Variants in EYS observed in about 807,000 individuals in gnomAD.
The protein encoded by EYS is protein eyes shut homolog.
Under a neutral mutation model 282.1 loss-of-function variants are expected in EYS, and 250 were observed. That is an observed-to-expected ratio of 0.89 (90% CI 0.80 to 0.98). EYS has a LOEUF of 0.98. Among genes scored for constraint, EYS ranks in the 50% least tolerant of loss-of-function variants. EYS has a pLI of 0.00. For synonymous variants in EYS, 1,355 were observed against 1,282.9 expected (o/e 1.06, Z -1.20); for missense variants, 4,016 against 3,709.0 (o/e 1.08, Z -2.15).
chr6:64,212,897 G>A (rs956590108), intron 31 of EYS, among the ~76,000 whole-genome samples: 2 of 152,038 alleles, frequency 1.3e-5, no homozygotes, highest in Non-Finnish European at 2.9e-5. Context: ...AAGAAAATTT[G>A]GTACCTAGAC....
At chr6:65,131,540 A>G (rs1267660678) in intron 12 of EYS, among the ~76,000 whole-genome samples, 2 of 152,024 alleles carry the variant, frequency 1.3e-5, no homozygotes, top group Non-Finnish European at 2.9e-5. Flanking sequence ...TAATGAGAAC[A>G]AAGATACAAC....
chr6:63,927,283 G>T (rs1208573655), intron 35 of EYS, among the ~76,000 whole-genome samples: 2 of 152,162 alleles, frequency 1.3e-5, no homozygotes, highest in African/African-American at 2.4e-5. Context: ...CTTAATAAAA[G>T]ACAAAAATGA....
At chr6:64,194,544 A>G (rs558480992) in intron 31 of EYS, among the ~76,000 whole-genome samples, 14 of 152,156 alleles carry the variant, frequency 9.2e-5, no homozygotes, top group African/African-American at 3.4e-4. Context: ...GAATTTCTTA[A>G]TTGCATCAAT....
intron 15 of EYS, among the ~76,000 whole-genome samples, chr6:64,936,096 GA>G (rs1345901540): frequency 2.0e-5 from 3 of 151,538 alleles, no homozygotes; most frequent in Non-Finnish European, 4.4e-5. Flanking sequence ...TATACATTAT[GA>G]CCAATTGGGA....
At chr6:63,989,098 T>C (rs1391850023) in intron 34 of EYS, among the ~76,000 whole-genome samples, 1 of 151,654 alleles carries the variant, frequency 6.6e-6, no homozygotes, top group African/African-American at 2.4e-5. Context: ...TTAAATGACT[T>C]GTGTTACTAA....
chr6:65,615,593 T>C (rs1337610982), intron 2 of EYS, among the ~76,000 whole-genome samples: 1 of 151,366 alleles, frequency 6.6e-6, no homozygotes, highest in Non-Finnish European at 1.5e-5. Context: ...AAGTATGTTT[T>C]CCCCCAGGGC....
chr6:64,494,322 T>C (rs1326055583), intron 26 of EYS, among the ~76,000 whole-genome samples: 3 of 151,672 alleles, frequency 2.0e-5, no homozygotes, highest in Middle Eastern at 3.2e-3. Flanking sequence ...TTACTTTCTA[T>C]AGAATAAAGT....
In EYS at chr6:64,306,975, A is replaced by G. The variant is rs1446982295; in HGVS notation, c.6186T>C (p.Asn2062=). ...SKAVKNYHIN[N]CRSQGFMLSP... ...AATCACTACTGCTATTTTACCTGCA[A>G]TTGTTAATGTGATAGTTTTTCACTG... Residue 2062 remains asparagine (N), a synonymous_variant, in exon 30 of 43, where the codon AAT becomes AAC. Coordinates refer to ENST00000503581, the MANE Select transcript of EYS (RefSeq NM_001142800.2). 8.2e-6 allele frequency: 12 copies of G among 1,457,676 alleles called. No individual in the cohort carries two copies. The highest frequency in any genetic ancestry group is 1.9e-4 in the Middle Eastern group (1 of 5,368). The allele number at this position is 1,457,676 out of a possible 1,614,324, so 90.3% of individuals were successfully genotyped here. A position where few individuals can be genotyped will look rare whatever the true frequency, so the allele number is the denominator to read the frequency against.
chr6:65,123,463 G>A (rs1561977971), intron 12 of EYS, among the ~76,000 whole-genome samples: 1 of 151,930 alleles, frequency 6.6e-6, no homozygotes, highest in Non-Finnish European at 1.5e-5. Flanking sequence ...GAATATATAA[G>A]GACACTTCCC....
chr6:65,120,460 C>CAAAAAAAAAAAAAA (rs67505285), intron 12 of EYS, among the ~76,000 whole-genome samples: 28 of 68,260 alleles, frequency 4.1e-4, no homozygotes, highest in Admixed American at 9.1e-4. Flanking sequence ...TTTAAATAAG[C>CAAAAAAAAAAAAAA]AAAAAAAAAA....
intron 19 of EYS, among the ~76,000 whole-genome samples, chr6:64,825,308 AAGTAATCTCCTTGT>A (rs1765017567): frequency 6.6e-6 from 1 of 151,946 alleles, no homozygotes; most frequent in Admixed American, 6.6e-5. Flanking sequence ...CTCCTGTAAC[AAGTAATCTCCTTGT>A]AGCATTCCAT....
intron 15 of EYS, among the ~76,000 whole-genome samples, chr6:64,942,740 TA>T (rs1769131179): frequency 7.3e-6 from 1 of 137,064 alleles, no homozygotes; most frequent in Admixed American, 7.7e-5. Flanking sequence ...ACCTACCAAC[TA>T]AATAAAGCCC....
At chr6:63,736,972 T>C (rs1040669339) in intron 41 of EYS, among the ~76,000 whole-genome samples, 1 of 152,176 alleles carries the variant, frequency 6.6e-6, no homozygotes, top group Non-Finnish European at 1.5e-5. Context: ...GCTTATCAGC[T>C]TAAGGAGATT....
At chr6:64,499,364 G>A (rs144205063) in intron 26 of EYS, among the ~76,000 whole-genome samples, 308 of 152,190 alleles carry the variant, frequency 2.0e-3, no homozygotes, top group African/African-American at 6.8e-3. Context: ...AAATTCCCCT[G>A]GCTAACTAGA....
intron 14 of EYS, among the ~76,000 whole-genome samples, chr6:64,978,486 A>T (rs958987271): frequency 6.6e-6 from 1 of 151,940 alleles, no homozygotes; most frequent in Non-Finnish European, 1.5e-5. Flanking sequence ...ATGTACAAGG[A>T]GATTAATATT....
At chr6:65,109,831 C>A (rs114380709) in intron 12 of EYS, among the ~76,000 whole-genome samples, 72 of 152,132 alleles carry the variant, frequency 4.7e-4, no homozygotes, top group African/African-American at 1.7e-3. Flanking sequence ...TTCTATTCAC[C>A]CTCTCGTACC....
rs551178640 is a variant in EYS at position 64,811,189 on chromosome 6, G to A, written c.3443+2189C>T. Reference sequence around the variant, plus strand: ...GGCACCAGCTCTGACTTCTCATAGTGTAGCGTGGAGTCCCAGTAGAAACTG... The same window carrying A: ...GGCACCAGCTCTGACTTCTCATAGTATAGCGTGGAGTCCCAGTAGAAACTG... On this transcript the variant is annotated intron_variant, in intron 22 of 42. Transcript: ENST00000503581. Among the ~76,000 whole-genome samples the A allele has an allele frequency of 3.0e-4, 45 of 152,166 alleles. No homozygotes were observed. The South Asian group carries it at 9.3e-3, about 32-fold the overall frequency.
chr6:65,542,883 A>C (rs1261287068), intron 2 of EYS, among the ~76,000 whole-genome samples: 2 of 152,162 alleles, frequency 1.3e-5, no homozygotes, highest in Non-Finnish European at 2.9e-5. Context: ...CTGCACTGTT[A>C]CTTTGATAAC....
intron 36 of EYS, among the ~76,000 whole-genome samples, chr6:63,855,152 T>G (rs1328031302): frequency 1.3e-5 from 2 of 152,212 alleles, no homozygotes; most frequent in Non-Finnish European, 2.9e-5. Context: ...GAAAGGGCAA[T>G]AGAGTACTGT....
Sources: allele counts gnomAD v4.1 joint callset (sites outside exome capture counted in the v4.1 genomes callset), GRCh38; gene constraint gnomAD v4.1.1; transcripts MANE v1.5; gene names NCBI Gene and HGNC (gene_info 2026-07-23, HGNC 2026-07-21).